AAGAB: variants seen among roughly 807,000 people sequenced by gnomAD.
The protein encoded by AAGAB is alpha- and gamma-adaptin-binding protein p34.
Under a neutral mutation model 44.1 loss-of-function variants are expected in AAGAB, and 38 were observed. The ratio of observed to expected loss-of-function variants is 0.86; its 90% CI spans 0.67 to 1.13. The LOEUF (loss-of-function observed/expected upper bound fraction) is 1.13, where lower values mean the gene tolerates loss of function less well. AAGAB is among the 50% of genes most tolerant of loss of function. The pLI, the probability that AAGAB is intolerant of heterozygous loss-of-function variation, is 0.00. For synonymous variants in AAGAB, 131 were observed against 131.8 expected (o/e 0.99, Z 0.04); for missense variants, 450 against 373.8 (o/e 1.20, Z -1.68).
At chr15:67,224,481 G>A (rs1964153278) in intron 5 of AAGAB, among the ~76,000 whole-genome samples, 1 of 152,074 alleles carries the variant, frequency 6.6e-6, no homozygotes, top group South Asian at 2.1e-4. Context: ...GTTATGAGAA[G>A]GAACGTCCAC....
chr15:67,226,404 G>C (rs962565512), intron 5 of AAGAB, among the ~76,000 whole-genome samples: 2 of 152,158 alleles, frequency 1.3e-5, no homozygotes, highest in Non-Finnish European at 2.9e-5. Context: ...TTTCGGGCGT[G>C]AGACACCATG....
intron 1 of AAGAB, among the ~76,000 whole-genome samples, chr15:67,245,153 C>T (rs187887280): frequency 6.6e-6 from 1 of 152,208 alleles, no homozygotes; most frequent in Non-Finnish European, 1.5e-5. Flanking sequence ...AATTCCACTC[C>T]CAGGCATCCA....
intron 1 of AAGAB, among the ~76,000 whole-genome samples, chr15:67,249,159 C>T (rs543312656): frequency 1.6e-4 from 25 of 152,110 alleles, no homozygotes; most frequent in Admixed American, 1.4e-3. Flanking sequence ...CTCAGCCTCC[C>T]GAGTAGCTCA....
intron 1 of AAGAB, among the ~76,000 whole-genome samples, chr15:67,251,652 T>C (rs1311655527): frequency 7.9e-5 from 12 of 152,322 alleles, no homozygotes; most frequent in South Asian, 2.1e-4. Flanking sequence ...GAAAGAGAAA[T>C]TGGAGAACCC....
intron 1 of AAGAB, among the ~76,000 whole-genome samples, chr15:67,250,027 A>C (rs1658671063): frequency 6.6e-6 from 1 of 152,252 alleles, no homozygotes; most frequent in African/African-American, 2.4e-5. Context: ...ACAGTTGCTG[A>C]GTTGGCATTA....
At chr15:67,246,582 C>T (rs747302907) in intron 1 of AAGAB, among the ~76,000 whole-genome samples, 12 of 152,156 alleles carry the variant, frequency 7.9e-5, no homozygotes, top group Non-Finnish European at 1.5e-4. Flanking sequence ...ATGAAGCCTG[C>T]TAGACTTCCT....
chr15:67,251,071 A>G (rs1964856773), intron 1 of AAGAB, among the ~76,000 whole-genome samples: 1 of 152,204 alleles, frequency 6.6e-6, no homozygotes, highest in South Asian at 2.1e-4. Context: ...CTACCCCGTC[A>G]GTAATGCCCC....
chr15:67,222,234 G>GCGCA (rs1555417839), intron 5 of AAGAB, among the ~76,000 whole-genome samples: 2 of 43,142 alleles, frequency 4.6e-5, no homozygotes, highest in East Asian at 1.3e-3. Flanking sequence ...ACGCGCACGC[G>GCGCA]CGCGCGCGCA....
chr15:67,222,167 C>T (rs999788485), intron 5 of AAGAB, among the ~76,000 whole-genome samples: 1 of 151,932 alleles, frequency 6.6e-6, no homozygotes, highest in Non-Finnish European at 1.5e-5. Context: ...TCCCTTGCCT[C>T]TCTCTTGCTG....
upstream of AAGAB, chr15:67,255,128 G>T (rs183900642): frequency 1.2e-3 from 799 of 649,628 alleles, 12 homozygotes; most frequent in East Asian, 0.015. Context: ...CACACTCCCG[G>T]TGACTTACCC....
intron 5 of AAGAB, among the ~76,000 whole-genome samples, chr15:67,220,334 G>A (rs1036561176): frequency 6.6e-6 from 1 of 152,200 alleles, no homozygotes; most frequent in African/African-American, 2.4e-5. Flanking sequence ...CATCTGGCTT[G>A]GCCAGTGATT....
At chr15:67,242,402 C>T (rs1014011993) in intron 1 of AAGAB, among the ~76,000 whole-genome samples, 1 of 134,536 alleles carries the variant, frequency 7.4e-6, no homozygotes, top group African/African-American at 2.8e-5. Context: ...CGCAGTCCGG[C>T]CTGGGCGACA....
chr15:67,231,919 A>G, intron 4 of AAGAB, 22 bp from the exon 5 acceptor site: 1 of 1,561,334 alleles, frequency 6.4e-7, no homozygotes, highest in South Asian at 1.1e-5. Flanking sequence ...GGGGAAATAT[A>G]TATATTTATA....
At chr15:67,206,585 G>A (rs187846109) in intron 7 of AAGAB, among the ~76,000 whole-genome samples, 49 of 152,086 alleles carry the variant, frequency 3.2e-4, no homozygotes, top group Admixed American at 5.9e-4. Flanking sequence ...TTTCTCATTT[G>A]TTTATTCAAT....
chr15:67,214,195 CTCTTT>C (rs66739142), intron 5 of AAGAB, among the ~76,000 whole-genome samples: 31,617 of 151,932 alleles, frequency 0.21, 3,964 homozygotes, highest in East Asian at 0.47. Context: ...ATATATAGTT[CTCTTT>C]TGTCAGTAAT....
intron 1 of AAGAB, among the ~76,000 whole-genome samples, chr15:67,250,453 AGGCGTGAGCCACCAT>A (rs895293565): frequency 6.6e-6 from 1 of 152,226 alleles, no homozygotes; most frequent in African/African-American, 2.4e-5. Flanking sequence ...CTGGGATTAC[AGGCGTGAGCCACCAT>A]GCCTGGCACA....
rs192033697 is a variant in AAGAB at position 67,215,606 on chromosome 15, G to A, written c.536-6062C>T. On this transcript the variant is annotated intron_variant, in intron 5 of 9. Transcript: ENST00000261880. Reference sequence around the variant, plus strand: ...TATAAACATGTTCTTTTCCATCTGAGTAATAAGCATGACCAAACTTACTAA... The same window carrying A: ...TATAAACATGTTCTTTTCCATCTGAATAATAAGCATGACCAAACTTACTAA... 3.3e-5 allele frequency among the ~76,000 whole-genome samples: 5 copies of A among 152,200 alleles called. No individual in the cohort carries two copies. In the East Asian group the frequency reaches 9.7e-4, roughly 29 times the overall value.
intron 7 of AAGAB, among the ~76,000 whole-genome samples, chr15:67,205,901 A>G (rs2060253831): frequency 6.6e-6 from 1 of 151,720 alleles, no homozygotes; most frequent in Non-Finnish European, 1.5e-5. Flanking sequence ...TTAAAAAAAA[A>G]CTTGCAAAAA....
At chr15:67,232,520 T>C in intron 4 of AAGAB, 1 of 374,616 alleles carries the variant, frequency 2.7e-6, no homozygotes, top group Non-Finnish European at 5.4e-6. Flanking sequence ...AAATGGTCAT[T>C]GATGTCCTTC....
Sources: gnomAD v4.1 joint callset for allele counts (sites outside exome capture counted in the v4.1 genomes callset) on GRCh38, gnomAD v4.1.1 for gene constraint, MANE v1.5 for transcripts, NCBI Gene and HGNC (gene_info 2026-07-23, HGNC 2026-07-21) for gene names.